PRRC2A: variants seen among roughly 807,000 people sequenced by gnomAD.
PRRC2A encodes the protein protein PRRC2A.
In PRRC2A, 59 loss-of-function variants were observed where a neutral mutation model predicts 224.6. The ratio of observed to expected loss-of-function variants is 0.26; its 90% confidence interval spans 0.21 to 0.33. The LOEUF is 0.33. Ranked by LOEUF, PRRC2A falls within the 10% of genes least tolerant of loss-of-function variation. PRRC2A has a pLI of 1.00. For missense variants in PRRC2A, 3,095 were observed against 2,880.7 expected, an observed-to-expected ratio of 1.07 and a Z score of -1.70; for synonymous variants, 1,194 against 1,109.5, an observed-to-expected ratio of 1.08 and a Z score of -1.51.
chr6:31,621,467 C>T (rs1233170954), intron 1 of PRRC2A, among the ~76,000 whole-genome samples: 3 of 152,018 alleles, frequency 2.0e-5, no homozygotes, highest in East Asian at 1.9e-4. Flanking sequence ...CCTCTGCCCC[C>T]TTACTTCGTT....
chr6:31,633,569 C>T lies in PRRC2A; in HGVS notation c.4510C>T (p.Pro1504Ser), dbSNP rs752771546. ...TCATCCAAGGCACAAGCCTGGGCTT[C>T]CCCAAGCCCCTCAGGGCCCCTCTCC... ...GGHPRHKPGL[P>S]QAPQGPSPRP... Residue 1504 changes from proline to serine, a missense_variant, in exon 17 of 31, where the codon CCC becomes TCC. Physicochemically the swap from Pro to Ser is moderately conservative, Grantham distance 74. Transcript: ENST00000376033. 1.2e-6 allele frequency: 2 copies of T among 1,612,946 alleles called. No homozygotes were observed. Among genetic ancestry groups the T allele is most frequent in the Non-Finnish European group, 1.7e-6 (2 of 1,179,898 alleles).
rs765842777 is a variant in PRRC2A at position 31,631,813 on chromosome 6, G to A, written c.3140G>A (p.Arg1047Gln). Residue 1047 changes from arginine to glutamine, a missense_variant, in exon 16 of 31, where the codon CGG (arginine) becomes CAG (glutamine). Arg to Gln is a conservative substitution (Grantham distance 43, BLOSUM62 1). Transcript: ENST00000376033. The surrounding 1 kb of genome is among the most constrained non-coding windows in gnomAD (Gnocchi z 4.5). ...CGGGGGACCTATGGGGGACGAGGGCGGGGAGCCCGAAGCCGGGAATTCCGC... is the reference window on the plus strand; with the variant it reads ...CGGGGGACCTATGGGGGACGAGGGCAGGGAGCCCGAAGCCGGGAATTCCGC... The part of the protein sequence containing the change: ...GFRGTYGGRG[R>Q]GARSREFRSY... 67 of 1,591,846 alleles carry A rather than the reference G, an allele frequency of 4.2e-5. 1 individual carries two copies. Among genetic ancestry groups the A allele is most frequent in the Non-Finnish European group, 4.7e-5 (55 of 1,167,352 alleles).
intron 12 of PRRC2A, among the ~76,000 whole-genome samples, chr6:31,628,444 C>T (rs1422796197): frequency 6.6e-6 from 1 of 152,182 alleles, no homozygotes; most frequent in African/African-American, 2.4e-5. Context: ...AATACCATTT[C>T]TTGGCAGAGT....
intron 23 of PRRC2A, 33 bp downstream of exon 23, chr6:31,635,498 C>CA (rs750274945): frequency 6.2e-7 from 1 of 1,612,622 alleles, no homozygotes; most frequent in East Asian, 2.2e-5. Flanking sequence ...TGGAAAGGCC[C>CA]AAGATTTCTG....
intron 19 of PRRC2A, 36 bp from the exon 20 acceptor site, chr6:31,634,436 C>T (rs1327394217): frequency 6.2e-7 from 1 of 1,612,636 alleles, no homozygotes; most frequent in Admixed American, 1.7e-5. Flanking sequence ...ACTGTCATCT[C>T]CTCACTTCTC....
rs1561816355 is a variant in PRRC2A at position 31,630,476 on chromosome 6, A to C, written c.2255-115A>C. ...TTATATAAGAGCAGGCAAGGCCCGGACCTACTGGGAACAAGAGATGGAAGA... is the reference window on the plus strand; with the variant it reads ...TTATATAAGAGCAGGCAAGGCCCGGCCCTACTGGGAACAAGAGATGGAAGA... On this transcript the variant is annotated intron_variant, in intron 14 of 30. Transcript: ENST00000376033. 6.9e-6 allele frequency: 7 copies of C among 1,008,230 alleles called. No individual in the cohort carries two copies. The East Asian group carries it at 1.8e-4, about 26-fold the overall frequency. The allele number at this position is 1,008,230 out of a possible 1,614,324, so 62.5% of individuals were successfully genotyped here.
At chr6:31,621,171 A>G (rs1583169871) in intron 1 of PRRC2A, among the ~76,000 whole-genome samples, 1 of 146,240 alleles carries the variant, frequency 6.8e-6, no homozygotes, top group South Asian at 2.2e-4. Context: ...CTGGCTTTTC[A>G]CCCCCATTTG....
At chr6:31,629,105 G>A in intron 12 of PRRC2A, 39 bp from the exon 13 acceptor site, 1 of 1,603,198 alleles carries the variant, frequency 6.2e-7, no homozygotes, top group Non-Finnish European at 8.5e-7. Context: ...AGTGTCTATT[G>A]TTGGACTAGA....
chr6:31,633,366 C>G lies in PRRC2A; in HGVS notation c.4320-13C>G. On this transcript the variant is annotated splice_polypyrimidine_tract_variant and intron_variant, in intron 16 of 30. Transcript: ENST00000376033. ...TTTAGTGGATACTGGAGCTAATGCTCTGTTTTCTCCAGTCGTCCTCCAGAG... is the reference window on the plus strand; with the variant it reads ...TTTAGTGGATACTGGAGCTAATGCTGTGTTTTCTCCAGTCGTCCTCCAGAG... 1 of 1,608,466 alleles carries G rather than the reference C, an allele frequency of 6.2e-7. No homozygotes were observed. Among genetic ancestry groups the G allele is most frequent in the Non-Finnish European group, 8.5e-7 (1 of 1,176,960 alleles).
In PRRC2A at chr6:31,634,384, A is replaced by G; in HGVS notation, c.4849+19A>G. The G allele has an allele frequency of 1.2e-6, 2 of 1,612,274 alleles. No homozygotes were observed. Among genetic ancestry groups the G allele is most frequent in the Non-Finnish European group, 1.7e-6 (2 of 1,179,706 alleles). ...CATACTGGTGAGTAAAGCTGAGTGA[A>G]AGGACTATGGTAGAAGGGTTAAGAA... On this transcript the variant is annotated intron_variant, in intron 19 of 30. Coordinates refer to ENST00000376033, the MANE Select transcript of PRRC2A (RefSeq NM_004638.4).
At position 31,630,752 on chromosome 6, in the gene PRRC2A, C is replaced by G; in HGVS notation, c.2416C>G (p.Leu806Val). ...FTATPAEPRP[L>V]TSPLRQAADE... Reference sequence around the variant, plus strand: ...CGCCACACCCGCTGAACCCCGCCCACTTACCTCACCTCTGCGCCAGGCTGC... The same window carrying G: ...CGCCACACCCGCTGAACCCCGCCCAGTTACCTCACCTCTGCGCCAGGCTGC... The change falls in exon 15 of 31, where the codon CTT becomes GTT. Residue 806 changes from leucine to valine, a missense_variant. This residue lies in a region of PRRC2A where 2,001 missense variants were observed against 1,764.9 expected (regional missense o/e 1.13). Coordinates refer to ENST00000376033, the MANE Select transcript of PRRC2A (RefSeq NM_004638.4). The G allele has an allele frequency of 6.2e-7, 1 of 1,614,230 alleles. No homozygotes were observed. The highest frequency in any genetic ancestry group is 8.5e-7 in the Non-Finnish European group (1 of 1,180,046).
Position 31,632,715 on chromosome 6 carries a change from C to G in PRRC2A, c.4042C>G (p.Pro1348Ala). Reference protein sequence around the residue: ...KEAPPPVLLTPKAVGTPGGGG... With the variant: ...KEAPPPVLLTAKAVGTPGGGG... ...GGCACCCCCACCAGTACTGCTGACA[C>G]CCAAGGCTGTGGGAACTCCTGGGGG... Residue 1348 changes from proline (P) to alanine (A), a missense_variant, in exon 16 of 31, where the codon CCC becomes GCC. Around this residue, in one of 8 missense-constraint regions of PRRC2A, gnomAD observed 2,001 missense variants for 1,764.9 expected, o/e 1.13. Coordinates refer to ENST00000376033, the MANE Select transcript of PRRC2A (RefSeq NM_004638.4). The G allele has an allele frequency of 1.2e-6, 2 of 1,613,156 alleles. No homozygotes were observed. The highest frequency in any genetic ancestry group is 1.7e-6 in the Non-Finnish European group (2 of 1,180,040).
Position 31,622,924 on chromosome 6 carries a change from T to C in PRRC2A, c.112+23T>C, listed in dbSNP as rs150610476. ...CTGGTGAGAGTCCTGCAAAGATGCT[T>C]CTGATGGTTGAAAGCTAGGCATGCA... On this transcript the variant is annotated intron_variant, in intron 2 of 30. Transcript: ENST00000376033. The C allele has an allele frequency of 1.3e-4, 210 of 1,591,324 alleles. No individual in the cohort carries two copies. In the African/African-American group the frequency reaches 2.2e-3, roughly 17 times the overall value.
intron 5 of PRRC2A, 98 bp downstream of exon 5, chr6:31,624,620 C>G (rs1775687183): frequency 1.0e-5 from 14 of 1,354,108 alleles, no homozygotes; most frequent in Non-Finnish European, 1.5e-5. Flanking sequence ...TCCTCTTTGG[C>G]TAAATCAAGG....
At position 31,637,640 on chromosome 6, in the gene PRRC2A, T is replaced by TAA; in HGVS notation, c.*55_*56dup. The TAA allele has an allele frequency of 1.3e-6, 1 of 774,566 alleles. No individual in the cohort carries two copies. Among genetic ancestry groups the TAA allele is most frequent in the Non-Finnish European group, 1.7e-6 (1 of 577,602 alleles). 48.0% of individuals were successfully genotyped at this position (774,566 alleles called of 1,614,324 possible). On this transcript the variant is annotated 3_prime_UTR_variant, in exon 31 of 31. Transcript: ENST00000376033. ...GGCTTGTATATAGATTATAAATATA[T>TAA]AAGGGGGAAAGGGGTGGGCGGGGAG...
rs370106307 is a variant in PRRC2A at position 31,630,687 on chromosome 6, C to T, written c.2351C>T (p.Pro784Leu). ...ATGTTACGGGAACGGGGCACTCCAC[C>T]GGTGGATCCAAAGTTGGCCTGGGTA... ...PAMLRERGTP[P>L]VDPKLAWVGD... The change falls in exon 15 of 31, where the codon CCG becomes CTG. Residue 784 changes from proline to leucine, a missense_variant. Around this residue, in one of 8 missense-constraint regions of PRRC2A, gnomAD observed 2,001 missense variants for 1,764.9 expected, o/e 1.13. Transcript: ENST00000376033. 12 of 1,613,982 alleles carry T rather than the reference C, an allele frequency of 7.4e-6. No homozygotes were observed. The highest frequency in any genetic ancestry group is 9.3e-6 in the Non-Finnish European group (11 of 1,180,028).
Position 31,629,744 on chromosome 6 carries a change from A to G in PRRC2A, c.2153A>G (p.Asn718Ser). ...LGRPPPMPPM[N>S]FDPRWMMIPP... ...CGGCCCCCACCCATGCCCCCAATGA[A>G]CTTTGATCCCCGATGGATGATGATT... The change falls in exon 14 of 31, where the codon AAC becomes AGC. Residue 718 changes from asparagine to serine, a missense_variant. Asn to Ser is a conservative substitution (Grantham distance 46). Transcript: ENST00000376033. 4 of 1,612,080 alleles carry G rather than the reference A, an allele frequency of 2.5e-6. No homozygotes were observed. The highest frequency in any genetic ancestry group is 3.4e-6 in the Non-Finnish European group (4 of 1,178,974).
rs759122849 is a variant in PRRC2A at position 31,629,144 on chromosome 6, T to G, written c.1766T>G (p.Val589Gly). The G allele has an allele frequency of 1.2e-6, 2 of 1,613,962 alleles. No individual in the cohort carries two copies. Among genetic ancestry groups the G allele is most frequent in the South Asian group, 2.2e-5 (2 of 91,076 alleles). ...CTCTGTTGTGTTTTTTCCGATGCAG[T>G]GGAACCACAACTGCCCTCAAAAGAG... ...TSSGSFEASP[V>G]EPQLPSKEGP... Residue 589 changes from valine to glycine, a missense_variant and splice_region_variant, in exon 13 of 31, where the codon GTG (valine) becomes GGG (glycine). Coordinates refer to ENST00000376033, the MANE Select transcript of PRRC2A (RefSeq NM_004638.4).
Position 31,625,914 on chromosome 6 carries a change from G to C in PRRC2A, c.839+43G>C, listed in dbSNP as rs1775855840. ...GGGTTTGTGGCTGGGGGCAGGGGAA[G>C]CTTATTGGGGGAGGAGATGGTTTTC... On this transcript the variant is annotated intron_variant, in intron 8 of 30. Coordinates refer to ENST00000376033, the MANE Select transcript of PRRC2A (RefSeq NM_004638.4). This position sits in a 1 kb window ranked among gnomAD's most constrained non-coding sequence, Gnocchi z 4.1. 3 of 1,581,302 alleles carry C rather than the reference G, an allele frequency of 1.9e-6. No homozygotes were observed. Among genetic ancestry groups the C allele is most frequent in the African/African-American group, 1.3e-5 (1 of 74,124 alleles).
Sources: gnomAD v4.1 joint callset for allele counts (sites outside exome capture counted in the v4.1 genomes callset) on GRCh38, gnomAD v4.1.1 for gene constraint, gnomAD v4.1.1 regional missense constraint, Gnocchi (gnomAD v3.1) non-coding constraint, MANE v1.5 for transcripts, NCBI Gene and HGNC (gene_info 2026-07-23, HGNC 2026-07-21) for gene names.